HECW2: variants seen among roughly 807,000 people sequenced by gnomAD.
HECW2 encodes E3 ubiquitin-protein ligase HECW2.
A neutral mutation model predicts 175.2 loss-of-function variants in HECW2; 61 were observed. The ratio of observed to expected loss-of-function variants is 0.35; its 90% CI spans 0.28 to 0.43. The LOEUF is 0.43. HECW2 is among the 20% of genes least tolerant of loss of function. The probability of loss-of-function intolerance (pLI) is 1.00; values close to 1 mark genes in which losing one functional copy is unlikely to be tolerated. For missense variants in HECW2, 1,524 were observed against 2,000.5 expected (o/e 0.76, Z 4.54); for synonymous variants, 671 against 731.0 (o/e 0.92, Z 1.32).
At chr2:196,409,373 G>A (rs1695048099) in intron 2 of HECW2, among the ~76,000 whole-genome samples, 1 of 152,136 alleles carries the variant, frequency 6.6e-6, no homozygotes, top group South Asian at 2.1e-4. Context: ...TATCTCTTTA[G>A]GATCTAAAAC....
At chr2:196,204,784 T>G (rs1687009024) in intron 28 of HECW2, among the ~76,000 whole-genome samples, 1 of 152,206 alleles carries the variant, frequency 6.6e-6, no homozygotes. Context: ...TGATGTTAAG[T>G]GTGATACAGT....
chr2:196,238,489 G>C (rs912835003), intron 21 of HECW2: 2 of 150,946 alleles, frequency 1.3e-5, no homozygotes, highest in Middle Eastern at 3.4e-3. Context: ...TATTTTTCCA[G>C]CACAATTACT....
chr2:196,263,296 C>T (rs1208619348), intron 17 of HECW2: 1 of 152,286 alleles, frequency 6.6e-6, no homozygotes, highest in Non-Finnish European at 1.5e-5. Flanking sequence ...AAGATCAACT[C>T]TACTAGATCA....
At chr2:196,307,279 T>C (rs754629160) in intron 11 of HECW2, 46 bp from the exon 12 acceptor site, 4 of 1,325,406 alleles carry the variant, frequency 3.0e-6, no homozygotes, top group Admixed American at 3.4e-5. Flanking sequence ...ATTTAAGAGA[T>C]GGGACTCAAC....
chr2:196,565,311 A>T (rs1475867093), intron 1 of HECW2, among the ~76,000 whole-genome samples: 1 of 152,228 alleles, frequency 6.6e-6, no homozygotes, highest in Non-Finnish European at 1.5e-5. Context: ...GATGATGACA[A>T]AGCAGATGGC....
intron 21 of HECW2, among the ~76,000 whole-genome samples, chr2:196,231,502 T>C (rs1213953320): frequency 6.6e-6 from 1 of 152,228 alleles, no homozygotes; most frequent in Admixed American, 6.5e-5. Context: ...AATAAAGTGT[T>C]ACTGGAACAC....
At chr2:196,472,662 C>A (rs1420092472) in intron 1 of HECW2, among the ~76,000 whole-genome samples, 1 of 151,430 alleles carries the variant, frequency 6.6e-6, no homozygotes, top group Non-Finnish European at 1.5e-5. Context: ...ACTCTGGTTG[C>A]CCAGGCTGGA....
At chr2:196,208,094 C>G (rs1467742648) in intron 28 of HECW2, among the ~76,000 whole-genome samples, 1 of 152,224 alleles carries the variant, frequency 6.6e-6, no homozygotes, top group East Asian at 1.9e-4. Flanking sequence ...GAATATGGCA[C>G]ATTTCTCACA....
rs1278698371 is a variant in HECW2 at position 196,532,560 on chromosome 2, T to C, written c.-36+60948A>G. On this transcript the variant is annotated intron_variant, in intron 1 of 28. Transcript: ENST00000644978. The stretch of plus-strand genomic sequence containing the variant: ...GGTTGATGGGTGCATTAAAACACCA[T>C]AGCACGTGTATACCAATGTATTAAA... Among the ~76,000 whole-genome samples, 6 of 152,174 alleles carry C rather than the reference T, an allele frequency of 3.9e-5. No homozygotes were observed. The South Asian group carries it at 1.0e-3, about 26-fold the overall frequency.
chr2:196,257,568 A>C (rs2105923593), intron 18 of HECW2, among the ~76,000 whole-genome samples: 1 of 152,330 alleles, frequency 6.6e-6, no homozygotes, highest in Admixed American at 6.5e-5. Context: ...TATTCATTAC[A>C]ACCTTTCCCT....
chr2:196,361,548 G>T (rs1241905662), intron 2 of HECW2, among the ~76,000 whole-genome samples: 4 of 152,080 alleles, frequency 2.6e-5, no homozygotes, highest in Non-Finnish European at 5.9e-5. Flanking sequence ...AAAACAAGCA[G>T]AACCCTAAAA....
chr2:196,442,417 T>C (rs1429571462), intron 1 of HECW2, among the ~76,000 whole-genome samples: 2 of 152,206 alleles, frequency 1.3e-5, no homozygotes, highest in Admixed American at 6.5e-5. Flanking sequence ...GCTTTAGGTA[T>C]GCTCACACCC....
chr2:196,256,434 A>C (rs1350336636), intron 18 of HECW2, among the ~76,000 whole-genome samples: 1 of 152,202 alleles, frequency 6.6e-6, no homozygotes, highest in Admixed American at 6.5e-5. Context: ...TAACACATAG[A>C]AACTCATGCA....
At chr2:196,476,654 C>T (rs1258352323) in intron 1 of HECW2, among the ~76,000 whole-genome samples, 1 of 152,014 alleles carries the variant, frequency 6.6e-6, no homozygotes, top group Non-Finnish European at 1.5e-5. Context: ...AGACATTAAA[C>T]ATCTAACAAT....
At chr2:196,564,962 T>TC (rs937044935) in intron 1 of HECW2, among the ~76,000 whole-genome samples, 1 of 151,592 alleles carries the variant, frequency 6.6e-6, no homozygotes, top group South Asian at 2.1e-4. Flanking sequence ...TGATTTTTTT[T>TC]TTTTTTTGAG....
intron 1 of HECW2, among the ~76,000 whole-genome samples, chr2:196,454,548 T>C (rs908190290): frequency 2.6e-5 from 4 of 152,194 alleles, no homozygotes; most frequent in African/African-American, 9.6e-5. Context: ...GATTATTTCT[T>C]AGAAGCAAAA....
chr2:196,257,434 G>GA (rs1559468679), intron 18 of HECW2, among the ~76,000 whole-genome samples: 2 of 49,372 alleles, frequency 4.1e-5, no homozygotes, highest in Non-Finnish European at 8.0e-5. Flanking sequence ...CAGCAAAAGG[G>GA]GACAAAACAT....
chr2:196,263,334 A>G (rs1689383870), intron 17 of HECW2: 1 of 152,200 alleles, frequency 6.6e-6, no homozygotes, highest in Non-Finnish European at 1.5e-5. Flanking sequence ...AAGTCTCAAG[A>G]CTGAATTCCC....
chr2:196,292,454 G>GT (rs1690636062), intron 14 of HECW2, 111 bp downstream of exon 14: 1 of 860,530 alleles, frequency 1.2e-6, no homozygotes, highest in East Asian at 2.5e-5. Flanking sequence ...AAGGTGGAAT[G>GT]TTTCACCTCA....
Sources: allele counts gnomAD v4.1 joint callset (sites outside exome capture counted in the v4.1 genomes callset), GRCh38; gene constraint gnomAD v4.1.1; transcripts MANE v1.5; gene names NCBI Gene and HGNC (gene_info 2026-07-23, HGNC 2026-07-21).